ZFYVE28: variants seen among roughly 807,000 people sequenced by gnomAD.
ZFYVE28 encodes lateral signaling target protein 2 homolog.
ZFYVE28 carries 40 observed loss-of-function variants against 82.1 expected under a neutral mutation model. The ratio of observed to expected loss-of-function variants is 0.49; its 90% CI spans 0.38 to 0.63. ZFYVE28 has a LOEUF of 0.63. ZFYVE28 is among the 30% of genes least tolerant of loss of function. The probability of loss-of-function intolerance (pLI) is 0.00; values close to 1 mark genes in which losing one functional copy is unlikely to be tolerated. For missense variants in ZFYVE28, 1,321 were observed against 1,242.1 expected, an observed-to-expected ratio of 1.06 and a Z score of -0.96; for synonymous variants, 612 against 546.1, an observed-to-expected ratio of 1.12 and a Z score of -1.68.
chr4:2,387,340 C>T lies in ZFYVE28; in HGVS notation c.39+30945G>A, dbSNP rs560660644. On this transcript the variant is annotated intron_variant, in intron 1 of 12. Coordinates refer to ENST00000290974, the MANE Select transcript of ZFYVE28 (RefSeq NM_020972.3). ...AACTGAGCTTCACGGCCGGAAGTGA[C>T]GCAACTCTGCTTGCCCGTCATTGGC... Among the ~76,000 whole-genome samples the T allele has an allele frequency of 3.0e-4, 45 of 152,340 alleles. No individual in the cohort carries two copies. The South Asian group carries it at 8.7e-3, about 29-fold the overall frequency.
intron 1 of ZFYVE28, among the ~76,000 whole-genome samples, chr4:2,355,565 C>T (rs1725193615): frequency 2.0e-5 from 3 of 150,912 alleles, no homozygotes; most frequent in African/African-American, 7.3e-5. Context: ...CAGGCCTGAG[C>T]CACTGTGCCC....
At chr4:2,373,699 C>T (rs1035180321) in intron 1 of ZFYVE28, among the ~76,000 whole-genome samples, 1 of 152,108 alleles carries the variant, frequency 6.6e-6, no homozygotes, top group African/African-American at 2.4e-5. Context: ...CTCGTATGCC[C>T]TGGCAGAATC....
chr4:2,308,683 G>GAGAAAGAGAAAGAAAGAAAAGAAAAGA (rs1553830774), intron 7 of ZFYVE28, among the ~76,000 whole-genome samples: 4 of 81,442 alleles, frequency 4.9e-5, no homozygotes, highest in African/African-American at 2.0e-4. Flanking sequence ...GAAAGAGAAA[G>GAGAAAGAGAAAGAAAGAAAAGAAAAGA]AAAGAAAAGA....
chr4:2,308,615 A>AAAG (rs1716936799), intron 7 of ZFYVE28, among the ~76,000 whole-genome samples: 2 of 145,752 alleles, frequency 1.4e-5, no homozygotes, highest in Non-Finnish European at 3.0e-5. Context: ...AGAGAGAAAG[A>AAAG]AAGAAAGAAG....
rs117527882 is a variant in ZFYVE28 at position 2,388,143 on chromosome 4, G to A, written c.39+30142C>T. ...ACACACTGCCCCCCAGTCCCCGTGC[G>A]AACCTAAGGGTTTATCCCACGGGGC... On this transcript the variant is annotated intron_variant, in intron 1 of 12. Coordinates refer to ENST00000290974, the MANE Select transcript of ZFYVE28 (RefSeq NM_020972.3). 1.4e-4 allele frequency among the ~76,000 whole-genome samples: 21 copies of A among 152,344 alleles called. No homozygotes were observed. In the East Asian group the frequency reaches 2.1e-3, roughly 15 times the overall value.
At chr4:2,389,796 T>C (rs576729381) in intron 1 of ZFYVE28, among the ~76,000 whole-genome samples, 1 of 152,110 alleles carries the variant, frequency 6.6e-6, no homozygotes, top group East Asian at 1.9e-4. Flanking sequence ...TGGCACCAAT[T>C]TGGGAAGGGA....
In ZFYVE28 at chr4:2,335,748, C is replaced by G. The variant is rs1305114307; in HGVS notation, c.658G>C (p.Glu220Gln). 6.4e-7 allele frequency: 1 copy of G among 1,574,788 alleles called. No homozygotes were observed. The highest frequency in any genetic ancestry group is 8.6e-7 in the Non-Finnish European group (1 of 1,160,190). Residue 220 changes from glutamate to glutamine, a missense_variant, in exon 6 of 13, where the codon GAG becomes CAG. By Grantham distance (29) the Glu-to-Gln change is conservative. Transcript: ENST00000290974. This position sits in a 1 kb window ranked among gnomAD's most constrained non-coding sequence, Gnocchi z 5.8. ...GGGATGCTGAACATGAGGGCCGGCTCGTAGTCATCAATCATGTCCTGAGTC... is the reference window on the plus strand; with the variant it reads ...GGGATGCTGAACATGAGGGCCGGCTGGTAGTCATCAATCATGTCCTGAGTC... ...YLTQDMIDDY[E>Q]PALMFSIPRL...
intron 8 of ZFYVE28, among the ~76,000 whole-genome samples, chr4:2,301,633 G>A (rs1268956767): frequency 7.2e-6 from 1 of 138,396 alleles, no homozygotes; most frequent in African/African-American, 2.8e-5. Context: ...GGAGGGGGTG[G>A]GCGTCCACTG....
At chr4:2,349,012 T>A (rs780950715) in intron 2 of ZFYVE28, among the ~76,000 whole-genome samples, 2 of 152,144 alleles carry the variant, frequency 1.3e-5, no homozygotes, top group African/African-American at 4.8e-5. Flanking sequence ...GTTTATTGCA[T>A]GTTCTGACAG....
At chr4:2,272,179 C>T (rs929190179) in intron 10 of ZFYVE28, among the ~76,000 whole-genome samples, 1 of 152,234 alleles carries the variant, frequency 6.6e-6, no homozygotes, top group Non-Finnish European at 1.5e-5. Flanking sequence ...AGAATGCAGC[C>T]TGGCGGTGTG....
intron 1 of ZFYVE28, among the ~76,000 whole-genome samples, chr4:2,376,056 G>T (rs1338601141): frequency 6.6e-6 from 1 of 151,794 alleles, no homozygotes; most frequent in African/African-American, 2.4e-5. Context: ...TGTATTTTTA[G>T]TAGAGACGAG....
rs3135085 is a variant in ZFYVE28, at chr4:2,394,708, A to G, written c.39+23577T>C. Among the ~76,000 whole-genome samples, 98,905 of 152,170 alleles carry G rather than the reference A, an allele frequency of 0.65. 32,637 individuals are homozygous for G. The highest frequency in any genetic ancestry group is 0.79 in the East Asian group (4,071 of 5,170). ...ACAGGTCTGCGATCCGATCCTGTGA[A>G]CAGGCACCACTCTGCGCAGCTGCAT... On this transcript the variant is annotated intron_variant, in intron 1 of 12. Coordinates refer to ENST00000290974, the MANE Select transcript of ZFYVE28 (RefSeq NM_020972.3). The surrounding 1 kb of genome is among the most constrained non-coding windows in gnomAD (Gnocchi z 4.0).
At chr4:2,391,095 C>G (rs1729769594) in intron 1 of ZFYVE28, among the ~76,000 whole-genome samples, 1 of 152,256 alleles carries the variant, frequency 6.6e-6, no homozygotes, top group South Asian at 2.1e-4. Context: ...CAACCCCAAG[C>G]GCCCTCCTAA....
At chr4:2,279,354 C>A (rs945466538) in intron 8 of ZFYVE28, among the ~76,000 whole-genome samples, 4 of 152,200 alleles carry the variant, frequency 2.6e-5, no homozygotes, top group African/African-American at 9.7e-5. Flanking sequence ...TTGCTTGAAC[C>A]CAGGAGGCAG....
chr4:2,371,812 C>T (rs1165845058), intron 1 of ZFYVE28, among the ~76,000 whole-genome samples: 2 of 152,280 alleles, frequency 1.3e-5, no homozygotes, highest in Non-Finnish European at 2.9e-5. Flanking sequence ...GGCCACGCTG[C>T]GGGTTCAGTC....
rs965251208 is a variant in ZFYVE28 at position 2,330,613 on chromosome 4, G to C, written c.701+5092C>G. 2.3e-5 allele frequency: 30 copies of C among 1,325,126 alleles called. No homozygotes were observed. In the African/African-American group the frequency reaches 4.2e-4, roughly 19 times the overall value. 82.1% of individuals were successfully genotyped at this position (1,325,126 alleles called of 1,614,324 possible). ...ATAGCATAGAGGAGGGAACAGCATA[G>C]ACAAGGGGACAGCATAGAGGAGGGG... is the stretch of plus-strand genomic sequence containing the variant. On this transcript the variant is annotated intron_variant, in intron 6 of 12. Transcript: ENST00000290974.
At chr4:2,378,628 C>A (rs1332225951) in intron 1 of ZFYVE28, among the ~76,000 whole-genome samples, 3 of 152,182 alleles carry the variant, frequency 2.0e-5, no homozygotes, top group Non-Finnish European at 4.4e-5. Flanking sequence ...AGCTGCCCGA[C>A]TCCCGGCTGG....
At chr4:2,318,422 G>C (rs1392229575) in intron 7 of ZFYVE28, among the ~76,000 whole-genome samples, 1 of 152,196 alleles carries the variant, frequency 6.6e-6, no homozygotes, top group Non-Finnish European at 1.5e-5. Context: ...GCCGGGCATG[G>C]TGGCGTACAC....
intron 7 of ZFYVE28, among the ~76,000 whole-genome samples, chr4:2,314,807 G>T (rs1398714215): frequency 6.6e-6 from 1 of 152,016 alleles, no homozygotes; most frequent in Non-Finnish European, 1.5e-5. Flanking sequence ...TTAAGACAGG[G>T]CCTCACTGTC....
Sources: allele counts gnomAD v4.1 joint callset (sites outside exome capture counted in the v4.1 genomes callset), GRCh38; gene constraint gnomAD v4.1.1; non-coding constraint Gnocchi (gnomAD v3.1); transcripts MANE v1.5; gene names NCBI Gene and HGNC (gene_info 2026-07-23, HGNC 2026-07-21).